AK9: variants seen among roughly 807,000 people sequenced by gnomAD.
AK9 encodes adenylate kinase domain containing 1.
In AK9, 191 loss-of-function variants were observed where a neutral mutation model predicts 239.6. That is an observed-to-expected ratio of 0.80 (90% CI 0.71 to 0.90). The LOEUF (loss-of-function observed/expected upper bound fraction) is 0.90. Ranked by LOEUF, AK9 falls within the 40% of genes least tolerant of loss-of-function variation. The probability of loss-of-function intolerance (pLI) is 0.00; values close to 1 mark genes in which losing one functional copy is unlikely to be tolerated. For missense variants in AK9, 1,995 were observed against 2,214.7 expected (o/e 0.90, Z 1.99); for synonymous variants, 689 against 721.0 (o/e 0.96, Z 0.71).
chr6:109,547,157 C>G (rs890854460), intron 25 of AK9, among the ~76,000 whole-genome samples: 4 of 152,104 alleles, frequency 2.6e-5, no homozygotes, highest in Non-Finnish European at 4.4e-5. Flanking sequence ...TTTGTGAGGG[C>G]ACAACCATCC....
chr6:109,545,519 A>G (rs1160440466), intron 26 of AK9, among the ~76,000 whole-genome samples: 1 of 152,166 alleles, frequency 6.6e-6, no homozygotes. Flanking sequence ...TTCCCTGCAC[A>G]AGCTCTCTCT....
Position 109,691,160 on chromosome 6 carries a change from C to G in AK9, c.-25G>C. ...TCCAATCCTTACCAAAGATGGTGCC[C>G]TTCGCTTCCTCTCTCGGCAGCACGC... is the stretch of plus-strand genomic sequence containing the variant. On this transcript the variant is annotated 5_prime_UTR_variant, in exon 1 of 41. Coordinates refer to ENST00000424296, the MANE Select transcript of AK9 (RefSeq NM_001145128.3). 1 of 567,690 alleles carries G rather than the reference C, an allele frequency of 1.8e-6. No individual in the cohort carries two copies. The highest frequency in any genetic ancestry group is 3.0e-5 in the Admixed American group (1 of 33,084). 35.2% of individuals were successfully genotyped at this position (567,690 alleles called of 1,614,324 possible).
chr6:109,686,143 T>C (rs1256715084), intron 1 of AK9, among the ~76,000 whole-genome samples: 1 of 152,220 alleles, frequency 6.6e-6, no homozygotes, highest in Non-Finnish European at 1.5e-5. Context: ...AGGACTCTCC[T>C]GCTGTTTGAG....
chr6:109,539,231 C>G (rs1334023887), intron 27 of AK9, among the ~76,000 whole-genome samples: 1 of 152,222 alleles, frequency 6.6e-6, no homozygotes, highest in Non-Finnish European at 1.5e-5. Context: ...CTGTCACTTT[C>G]AGGTACACCA....
chr6:109,565,514 G>A (rs1786359991), intron 21 of AK9, among the ~76,000 whole-genome samples: 1 of 151,840 alleles, frequency 6.6e-6, no homozygotes, highest in African/African-American at 2.4e-5. Flanking sequence ...CACCAAAAAA[G>A]ACCACAAACT....
At chr6:109,681,032 G>A (rs1473779463) in intron 1 of AK9, among the ~76,000 whole-genome samples, 1 of 152,150 alleles carries the variant, frequency 6.6e-6, no homozygotes, top group Non-Finnish European at 1.5e-5. Context: ...TGAAGAAACT[G>A]CATCAACTAA....
intron 31 of AK9, among the ~76,000 whole-genome samples, chr6:109,515,322 T>C (rs1459677413): frequency 6.6e-6 from 1 of 152,108 alleles, no homozygotes; most frequent in African/African-American, 2.4e-5. Context: ...AAAATACCCA[T>C]AAAAGGCAAC....
In AK9 at chr6:109,659,367, T is replaced by C. The variant is rs1562569116; in HGVS notation, c.491A>G (p.His164Arg). The C allele has an allele frequency of 6.2e-7, 1 of 1,612,106 alleles. No homozygotes were observed. Residue 164 changes from histidine to arginine, a missense_variant, in exon 7 of 41, where the codon CAC becomes CGC. Transcript: ENST00000424296. ...ACTGTATATGTATCCCGTATTATTG[T>C]GCTGTCTTTGCCCAGAAATTCTCTG... ...LCQRISGQRQ[H>R]NNTGYIYSRD... is the part of the protein sequence containing the mutation.
At chr6:109,599,835 C>G (rs1289189380) in intron 17 of AK9, among the ~76,000 whole-genome samples, 1 of 152,124 alleles carries the variant, frequency 6.6e-6, no homozygotes, top group Non-Finnish European at 1.5e-5. Flanking sequence ...CTCTTTGAAG[C>G]AATTGTGAAT....
intron 27 of AK9, among the ~76,000 whole-genome samples, chr6:109,540,397 T>G (rs1335426961): frequency 6.6e-6 from 1 of 152,236 alleles, no homozygotes; most frequent in East Asian, 1.9e-4. Context: ...TGGGACCCTC[T>G]GAGTCAGGCA....
At chr6:109,573,372 T>A (rs1787670735) in intron 21 of AK9, 70 bp downstream of exon 21, 1 of 1,448,772 alleles carries the variant, frequency 6.9e-7, no homozygotes, top group South Asian at 1.5e-5. Context: ...CAGGTATACA[T>A]ACACATACCC....
intron 24 of AK9, among the ~76,000 whole-genome samples, chr6:109,553,800 C>A (rs11968736): frequency 0.036 from 5,442 of 152,250 alleles, 325 homozygotes; most frequent in African/African-American, 0.13. Flanking sequence ...GGGAACGCTT[C>A]CAGCTCTTGC....
chr6:109,495,401 C>A lies in AK9; in HGVS notation c.5355G>T (p.Lys1785Asn), dbSNP rs759240628. ...GTATCGGTTCCCTTAATGGGGGAAG[C>A]TTGTGTGGAAGCTTCTGTTCCCAGT... ...LKYWEQKLPH[K>N]LPPLREPILL... Residue 1785 changes from lysine (K) to asparagine (N), a missense_variant, in exon 39 of 41, where the codon AAG (lysine) becomes AAT (asparagine). Coordinates refer to ENST00000424296, the MANE Select transcript of AK9 (RefSeq NM_001145128.3). The A allele has an allele frequency of 6.2e-7, 1 of 1,613,600 alleles. No homozygotes were observed. Among genetic ancestry groups the A allele is most frequent in the African/African-American group, 1.3e-5 (1 of 74,870 alleles).
chr6:109,599,764 G>C (rs1791638867), intron 17 of AK9, among the ~76,000 whole-genome samples: 1 of 152,160 alleles, frequency 6.6e-6, no homozygotes, highest in Non-Finnish European at 1.5e-5. Flanking sequence ...GCAGTGGTTT[G>C]TAGTTCTCCT....
At chr6:109,671,829 A>G in intron 5 of AK9, 90 bp downstream of exon 5, 1 of 1,133,658 alleles carries the variant, frequency 8.8e-7, no homozygotes. Context: ...AGGCAAAAGA[A>G]AGGGCAACTC....
chr6:109,509,152 T>C, intron 33 of AK9, 27 bp downstream of exon 33: 1 of 1,545,692 alleles, frequency 6.5e-7, no homozygotes, highest in Non-Finnish European at 8.8e-7. Context: ...ACTCCCTCTG[T>C]CCCATCCTCT....
chr6:109,648,267 C>A (rs1288091973), intron 8 of AK9, among the ~76,000 whole-genome samples: 6 of 151,800 alleles, frequency 4.0e-5, no homozygotes, highest in Non-Finnish European at 8.8e-5. Context: ...AATAGAGACA[C>A]AAAAAAATCC....
chr6:109,607,360 AAT>A (rs1045637402), intron 17 of AK9, among the ~76,000 whole-genome samples: 1 of 152,176 alleles, frequency 6.6e-6, no homozygotes, highest in Non-Finnish European at 1.5e-5. Context: ...ATGGATATAA[AAT>A]ATTTGGAAAA....
chr6:109,594,985 C>T (rs1486199138), intron 17 of AK9, among the ~76,000 whole-genome samples: 1 of 152,108 alleles, frequency 6.6e-6, no homozygotes, highest in Non-Finnish European at 1.5e-5. Context: ...AAAGCAATTG[C>T]AACAAAAGCC....
Sources: gnomAD v4.1 joint callset for allele counts (sites outside exome capture counted in the v4.1 genomes callset) on GRCh38, gnomAD v4.1.1 for gene constraint, MANE v1.5 for transcripts, NCBI Gene and HGNC (gene_info 2026-07-23, HGNC 2026-07-21) for gene names.